Variants in SMOC1 observed in about 807,000 individuals in gnomAD.
The protein encoded by SMOC1 is SPARC-related modular calcium-binding protein 1.
Under a neutral mutation model 56.3 loss-of-function variants are expected in SMOC1, and 22 were observed. That is an observed-to-expected ratio of 0.39 (90% confidence interval 0.28 to 0.56). SMOC1 has a LOEUF of 0.56. Among genes scored for constraint, SMOC1 ranks in the 20% least tolerant of loss-of-function variants. The pLI is 0.61. For synonymous variants in SMOC1, 193 were observed against 215.0 expected (o/e 0.90, Z 0.89); for missense variants, 509 against 565.4 (o/e 0.90, Z 1.01).
intron 4 of SMOC1, among the ~76,000 whole-genome samples, chr14:69,976,364 G>T (rs1198385963): frequency 6.6e-6 from 1 of 152,192 alleles, no homozygotes; most frequent in Non-Finnish European, 1.5e-5. Context: ...AAATTAAAGA[G>T]AACCCAGATA....
intron 3 of SMOC1, among the ~76,000 whole-genome samples, chr14:69,969,570 C>T (rs569631065): frequency 1.3e-5 from 2 of 152,212 alleles, no homozygotes; most frequent in East Asian, 3.9e-4. Context: ...CATGAGAAAC[C>T]CAGCCCGATG....
At chr14:70,003,168 C>T (rs1429732505) in intron 7 of SMOC1, among the ~76,000 whole-genome samples, 2 of 152,148 alleles carry the variant, frequency 1.3e-5, no homozygotes, top group Non-Finnish European at 2.9e-5. Context: ...TATCTTTCAG[C>T]ATTTCATTCA....
At chr14:69,974,554 A>G (rs1475662781) in intron 3 of SMOC1, among the ~76,000 whole-genome samples, 1 of 152,204 alleles carries the variant, frequency 6.6e-6, no homozygotes, top group East Asian at 1.9e-4. Flanking sequence ...GACCTTGTGC[A>G]TACCAATGAG....
intron 3 of SMOC1, among the ~76,000 whole-genome samples, chr14:69,963,592 T>G (rs933784543): frequency 7.0e-6 from 1 of 142,722 alleles, no homozygotes; most frequent in African/African-American, 2.5e-5. Flanking sequence ...TGGCGTATCC[T>G]CTGTGGGCAT....
chr14:69,925,917 A>G (rs985842378), intron 1 of SMOC1, among the ~76,000 whole-genome samples: 1 of 152,168 alleles, frequency 6.6e-6, no homozygotes, highest in African/African-American at 2.4e-5. Context: ...ACACATCTGG[A>G]GAAGACTGCG....
intron 1 of SMOC1, among the ~76,000 whole-genome samples, chr14:69,943,514 C>T (rs1415153224): frequency 6.6e-6 from 1 of 152,194 alleles, no homozygotes; most frequent in African/African-American, 2.4e-5. Context: ...CCCAAGGATG[C>T]AGGCCCCAGA....
intron 3 of SMOC1, among the ~76,000 whole-genome samples, chr14:69,957,086 T>G (rs188808120): frequency 3.5e-4 from 53 of 152,348 alleles, no homozygotes; most frequent in Non-Finnish European, 5.9e-4. Flanking sequence ...TGGTCTTATC[T>G]GTTTTCTGTT....
At chr14:69,888,605 C>T (rs1379039214) in intron 1 of SMOC1, among the ~76,000 whole-genome samples, 1 of 152,138 alleles carries the variant, frequency 6.6e-6, no homozygotes, top group African/African-American at 2.4e-5. Flanking sequence ...ACAACTACGC[C>T]TCGCCTCCTT....
At chr14:69,954,443 A>G (rs1249673008) in intron 3 of SMOC1, among the ~76,000 whole-genome samples, 2 of 152,180 alleles carry the variant, frequency 1.3e-5, no homozygotes, top group Non-Finnish European at 1.5e-5. Context: ...TGCTAGGATT[A>G]TAGTGTGAAC....
At chr14:69,961,392 A>AT (rs1883374744) in intron 3 of SMOC1, among the ~76,000 whole-genome samples, 1 of 137,318 alleles carries the variant, frequency 7.3e-6, no homozygotes, top group South Asian at 2.4e-4. Context: ...AGTTTTTATT[A>AT]TTTTTTGAGA....
chr14:69,926,061 A>C (rs1331138827), intron 1 of SMOC1, among the ~76,000 whole-genome samples: 1 of 141,578 alleles, frequency 7.1e-6, no homozygotes, highest in East Asian at 2.2e-4. Flanking sequence ...TTTTTTTTTC[A>C]GTCTCCTGAA....
chr14:69,920,106 C>G (rs564863534), intron 1 of SMOC1, among the ~76,000 whole-genome samples: 7 of 152,306 alleles, frequency 4.6e-5, no homozygotes, highest in African/African-American at 1.7e-4. Flanking sequence ...GGCCCAGAGC[C>G]TCTATCAGGA....
rs368361018 is a variant in SMOC1, at chr14:69,891,681, C to T, written c.99+11904C>T. 4.5e-4 allele frequency among the ~76,000 whole-genome samples: 68 copies of T among 152,260 alleles called. No individual in the cohort carries two copies. The East Asian group carries it at 5.4e-3, about 12-fold the overall frequency. On this transcript the variant is annotated intron_variant, in intron 1 of 11. Coordinates refer to ENST00000361956, the MANE Select transcript of SMOC1 (RefSeq NM_001034852.3). Reference sequence around the variant, plus strand: ...GTGCTCGTCTCTGCCCTCCCCAGGCCTCTGCTTGCCTGTCATCCTTGCCCT... The same window carrying T: ...GTGCTCGTCTCTGCCCTCCCCAGGCTTCTGCTTGCCTGTCATCCTTGCCCT...
At chr14:69,940,306 T>A (rs10141152) in intron 1 of SMOC1, among the ~76,000 whole-genome samples, 11,098 of 152,156 alleles carry the variant, frequency 0.073, 518 homozygotes, top group Middle Eastern at 0.17. Flanking sequence ...GATGATGAGC[T>A]GAGGATGGTG....
At chr14:69,940,652 A>G (rs1882518630) in intron 1 of SMOC1, among the ~76,000 whole-genome samples, 1 of 152,178 alleles carries the variant, frequency 6.6e-6, no homozygotes, top group Non-Finnish European at 1.5e-5. Context: ...CCACAAGTCT[A>G]AGTCCTCTCT....
At chr14:70,025,036 T>C (rs1340599462) in intron 11 of SMOC1, among the ~76,000 whole-genome samples, 1 of 152,110 alleles carries the variant, frequency 6.6e-6, no homozygotes, top group Non-Finnish European at 1.5e-5. Context: ...GGTAGGTTTG[T>C]TCAGCTGGAG....
At chr14:69,991,175 A>G (rs1045084282) in intron 5 of SMOC1, among the ~76,000 whole-genome samples, 2 of 152,170 alleles carry the variant, frequency 1.3e-5, no homozygotes, top group Admixed American at 6.5e-5. Flanking sequence ...ATAGTGTTCC[A>G]TCCTAAAAGA....
At chr14:69,959,450 G>A (rs971061856) in intron 3 of SMOC1, among the ~76,000 whole-genome samples, 2 of 152,058 alleles carry the variant, frequency 1.3e-5, no homozygotes, top group Non-Finnish European at 1.5e-5. Context: ...ACAGATTATA[G>A]TTCTAATAAT....
intron 7 of SMOC1, among the ~76,000 whole-genome samples, chr14:70,006,218 T>C (rs79668091): frequency 0.03 from 4,580 of 152,308 alleles, 123 homozygotes; most frequent in Middle Eastern, 0.11. Context: ...CCAGTCTGTG[T>C]TTCTGCACCT....
Sources: gnomAD v4.1 joint callset for allele counts (sites outside exome capture counted in the v4.1 genomes callset) on GRCh38, gnomAD v4.1.1 for gene constraint, MANE v1.5 for transcripts, NCBI Gene and HGNC (gene_info 2026-07-23, HGNC 2026-07-21) for gene names.